CNTNAP2: variants seen among roughly 807,000 people sequenced by gnomAD.
CNTNAP2 encodes contactin associated protein 2, also known as contactin-associated protein-like 2.
A neutral mutation model predicts 155.2 loss-of-function variants in CNTNAP2; 98 were observed. The observed-to-expected ratio is 0.63, with a 90% confidence interval of 0.54 to 0.75. The LOEUF (loss-of-function observed/expected upper bound fraction) is 0.75. CNTNAP2 is among the 30% of genes least tolerant of loss of function. The pLI is 0.00. For synonymous variants in CNTNAP2, 651 were observed against 631.2 expected (o/e 1.03, Z -0.47); for missense variants, 1,727 against 1,688.1 (o/e 1.02, Z -0.40).
chr7:147,142,382 A>AT (rs954911512), intron 8 of CNTNAP2, among the ~76,000 whole-genome samples: 1 of 151,924 alleles, frequency 6.6e-6, no homozygotes, highest in Non-Finnish European at 1.5e-5. Flanking sequence ...ATGTTTATTG[A>AT]TTTTCTTATA....
At chr7:148,136,854 G>GT (rs1190890282) in intron 16 of CNTNAP2, among the ~76,000 whole-genome samples, 6 of 152,246 alleles carry the variant, frequency 3.9e-5, no homozygotes, top group Admixed American at 2.0e-4. Flanking sequence ...GGGTTCTCAC[G>GT]TATTTTATAT....
At chr7:146,812,890 G>A (rs781646825) in intron 2 of CNTNAP2, among the ~76,000 whole-genome samples, 9 of 152,158 alleles carry the variant, frequency 5.9e-5, no homozygotes, top group Non-Finnish European at 1.2e-4. Context: ...AGCTGCTTCA[G>A]CACCAGCTAT....
intron 18 of CNTNAP2, among the ~76,000 whole-genome samples, chr7:148,177,617 T>C (rs934852640): frequency 1.3e-5 from 2 of 152,204 alleles, no homozygotes; most frequent in African/African-American, 4.8e-5. Flanking sequence ...AGCTTTCTAA[T>C]TGTGTTAGCA....
intron 12 of CNTNAP2, among the ~76,000 whole-genome samples, chr7:147,573,986 A>G (rs1376882111): frequency 6.6e-6 from 1 of 152,110 alleles, no homozygotes; most frequent in Admixed American, 6.6e-5. Flanking sequence ...GTGACTTGGA[A>G]TAGGTCAGTT....
rs376214261 is a variant in CNTNAP2 at position 148,343,654 on chromosome 7, A to G, written c.3476-39995A>G. Among the ~76,000 whole-genome samples the G allele has an allele frequency of 3.3e-5, 5 of 152,378 alleles. 1 individual carries two copies. The highest frequency in any genetic ancestry group is 6.8e-3 in the Middle Eastern group (2 of 294). On this transcript the variant is annotated intron_variant, in intron 21 of 23. Coordinates refer to ENST00000361727, the MANE Select transcript of CNTNAP2 (RefSeq NM_014141.6). The stretch of plus-strand genomic sequence containing the variant: ...TCAATCTGGAGAGGTGCTGAAAAAC[A>G]GAGACAAGAAAATGTCAACTTTCAA...
intron 19 of CNTNAP2, among the ~76,000 whole-genome samples, chr7:148,224,199 A>G (rs1378474686): frequency 6.6e-6 from 1 of 152,236 alleles, no homozygotes; most frequent in African/African-American, 2.4e-5. Context: ...ATGTCAGAGC[A>G]CCAGAAATAA....
At chr7:146,761,704 G>A (rs1802104143) in intron 1 of CNTNAP2, among the ~76,000 whole-genome samples, 1 of 151,474 alleles carries the variant, frequency 6.6e-6, no homozygotes, top group South Asian at 2.1e-4. Context: ...ACCCCTTCAG[G>A]CAGAACTTAC....
intron 1 of CNTNAP2, among the ~76,000 whole-genome samples, chr7:146,383,206 C>A (rs1253011124): frequency 1.3e-5 from 2 of 152,094 alleles, no homozygotes; most frequent in African/African-American, 2.4e-5. Flanking sequence ...TTTAAGGAAG[C>A]CATCAGTATC....
chr7:147,432,850 T>C (rs1409647700), intron 10 of CNTNAP2, among the ~76,000 whole-genome samples: 2 of 152,220 alleles, frequency 1.3e-5, no homozygotes, highest in Non-Finnish European at 2.9e-5. Context: ...TAGGTTTTCA[T>C]GCACTCTTAG....
intron 23 of CNTNAP2, among the ~76,000 whole-genome samples, chr7:148,410,634 T>A (rs1319571881): frequency 6.7e-6 from 1 of 149,052 alleles, no homozygotes; most frequent in Admixed American, 6.7e-5. Flanking sequence ...ATAATAAAAA[T>A]TATCAGAAAA....
At chr7:147,356,571 CTTTA>C (rs1796065368) in intron 9 of CNTNAP2, among the ~76,000 whole-genome samples, 2 of 151,962 alleles carry the variant, frequency 1.3e-5, no homozygotes, top group African/African-American at 4.8e-5. Context: ...GGTAAGAATT[CTTTA>C]TTTAGTATTT....
chr7:146,312,074 C>G (rs990861079), intron 1 of CNTNAP2, among the ~76,000 whole-genome samples: 1 of 152,112 alleles, frequency 6.6e-6, no homozygotes, highest in Non-Finnish European at 1.5e-5. Context: ...CAGCGTTTTT[C>G]TGGAAGAGGC....
chr7:147,253,141 A>G (rs892864880), intron 8 of CNTNAP2, among the ~76,000 whole-genome samples: 1 of 152,158 alleles, frequency 6.6e-6, no homozygotes, highest in Admixed American at 6.5e-5. Context: ...ATTTTCTTAC[A>G]TAGTATTGGC....
chr7:146,960,972 T>G (rs10263633), intron 3 of CNTNAP2, among the ~76,000 whole-genome samples: 10,754 of 152,218 alleles, frequency 0.071, 558 homozygotes, highest in African/African-American at 0.14. Flanking sequence ...TCTTTCTCCT[T>G]TTCTAAGTGG....
intron 1 of CNTNAP2, among the ~76,000 whole-genome samples, chr7:146,652,658 G>A (rs1025742726): frequency 1.3e-5 from 2 of 152,062 alleles, no homozygotes; most frequent in Non-Finnish European, 2.9e-5. Flanking sequence ...AGTAAGACAA[G>A]TCATTAAAAA....
At chr7:147,638,230 T>C (rs529940146) in intron 12 of CNTNAP2, among the ~76,000 whole-genome samples, 1 of 152,228 alleles carries the variant, frequency 6.6e-6, no homozygotes, top group Non-Finnish European at 1.5e-5. Context: ...TGTTCCTGGC[T>C]CATCTTTCAT....
chr7:148,124,801 A>G (rs1375056889), intron 16 of CNTNAP2, among the ~76,000 whole-genome samples: 1 of 152,226 alleles, frequency 6.6e-6, no homozygotes, highest in Non-Finnish European at 1.5e-5. Flanking sequence ...GTAAATTACA[A>G]TGATAGGCAC....
At chr7:148,179,820 C>T (rs1482600320) in intron 18 of CNTNAP2, among the ~76,000 whole-genome samples, 1 of 152,074 alleles carries the variant, frequency 6.6e-6, no homozygotes, top group Non-Finnish European at 1.5e-5. Flanking sequence ...CTCCAAGAGA[C>T]CTCAGGCTCA....
intron 13 of CNTNAP2, among the ~76,000 whole-genome samples, chr7:147,823,446 T>A (rs1798393476): frequency 6.6e-6 from 1 of 152,142 alleles, no homozygotes; most frequent in Admixed American, 6.6e-5. Flanking sequence ...ACAACCACAC[T>A]TCGTATATCA....
Sources: allele counts gnomAD v4.1 joint callset (sites outside exome capture counted in the v4.1 genomes callset), GRCh38; gene constraint gnomAD v4.1.1; transcripts MANE v1.5; gene names NCBI Gene and HGNC (gene_info 2026-07-23, HGNC 2026-07-21).